Variants in TLCD3A observed in about 807,000 individuals in gnomAD.
TLCD3A encodes TLC domain-containing protein 3A.
TLCD3A carries 17 observed loss-of-function variants against 29.9 expected under a neutral mutation model. The ratio of observed to expected loss-of-function variants is 0.57; its 90% confidence interval spans 0.39 to 0.85. The LOEUF is 0.85. Ranked by LOEUF, TLCD3A falls within the 40% of genes least tolerant of loss-of-function variation. The pLI is 0.00. For missense variants in TLCD3A, 332 were observed against 350.8 expected (o/e 0.95, Z 0.43); for synonymous variants, 143 against 147.7 (o/e 0.97, Z 0.23).
intron 1 of TLCD3A, 84 bp downstream of exon 1, chr17:732,853 G>A (rs1015524777): frequency 1.5e-6 from 2 of 1,368,976 alleles, no homozygotes; most frequent in African/African-American, 1.5e-5. Context: ...GGGCGGAAAA[G>A]GGGGGCGGCA....
intron 2 of TLCD3A, among the ~76,000 whole-genome samples, chr17:735,307 C>T (rs971894672): frequency 1.3e-5 from 2 of 152,200 alleles, no homozygotes; most frequent in African/African-American, 2.4e-5. Context: ...CCACCGTGCC[C>T]GGCCGACTTT....
intron 3 of TLCD3A, 130 bp from the exon 4 acceptor site, chr17:740,375 T>C (rs1355675755): frequency 2.8e-6 from 2 of 725,034 alleles, no homozygotes; most frequent in Non-Finnish European, 5.0e-6. Context: ...AGCGGTACAG[T>C]AGTCTGCGCT....
chr17:732,856 G>A (rs1312303725), intron 1 of TLCD3A, 87 bp downstream of exon 1: 19 of 1,367,692 alleles, frequency 1.4e-5, no homozygotes, highest in Admixed American at 3.9e-5. Flanking sequence ...CGGAAAAGGG[G>A]GGCGGCAGGA....
Position 741,880 on chromosome 17 carries a change from G to A in TLCD3A, c.*310G>A, listed in dbSNP as rs891497263. 8 of 406,544 alleles carry A rather than the reference G, an allele frequency of 2.0e-5. No homozygotes were observed. Among genetic ancestry groups the A allele is most frequent in the African/African-American group, 6.1e-5 (3 of 49,110 alleles). 25.2% of individuals were successfully genotyped at this position (406,544 alleles called of 1,614,324 possible). On this transcript the variant is annotated 3_prime_UTR_variant, in exon 5 of 5. Coordinates refer to ENST00000308278, the MANE Select transcript of TLCD3A (RefSeq NM_024792.3). ...GGAGGTGGAAGCATGGGGTGGGATC[G>A]GTGGACCAGGGTGGTAAGTGTCTGC... is the stretch of plus-strand genomic sequence containing the variant.
chr17:732,939 G>T, intron 1 of TLCD3A, 159 bp from the exon 2 acceptor site: 1 of 1,381,536 alleles, frequency 7.2e-7, no homozygotes, highest in South Asian at 1.4e-5. Context: ...CCCCTGGCGG[G>T]AGCGGGGCCG....
chr17:739,912 G>A (rs902534187), intron 3 of TLCD3A, among the ~76,000 whole-genome samples: 6 of 152,154 alleles, frequency 3.9e-5, no homozygotes, highest in African/African-American at 1.4e-4. Context: ...CGGGTGTGAT[G>A]CTGTACATCT....
chr17:735,765 G>A (rs1167273931), intron 2 of TLCD3A, among the ~76,000 whole-genome samples: 1 of 151,510 alleles, frequency 6.6e-6, no homozygotes, highest in East Asian at 1.9e-4. Context: ...AGGAGCTTGA[G>A]ACCAGTCTGG....
In TLCD3A at chr17:741,779, C is replaced by T. The variant is rs2644703; in HGVS notation, c.*209C>T. On this transcript the variant is annotated 3_prime_UTR_variant, in exon 5 of 5. Coordinates refer to ENST00000308278, the MANE Select transcript of TLCD3A (RefSeq NM_024792.3). ...TGTAGTAACAACTATTGGGTCCTGTCAGACCTCCACGGACAGCAAAGTGGT... is the reference window on the plus strand; with the variant it reads ...TGTAGTAACAACTATTGGGTCCTGTTAGACCTCCACGGACAGCAAAGTGGT... 9,427 of 613,866 alleles carry T rather than the reference C, an allele frequency of 0.015. 117 individuals are homozygous for T. Among genetic ancestry groups the T allele is most frequent in the Non-Finnish European group, 0.022 (7,643 of 353,082 alleles). The allele number at this position is 613,866 out of a possible 1,614,324, so 38.0% of individuals were successfully genotyped here. A position where few individuals can be genotyped will look rare whatever the true frequency, so the allele number is the denominator to read the frequency against.
At chr17:734,945 G>A (rs1974132318) in intron 2 of TLCD3A, among the ~76,000 whole-genome samples, 1 of 152,090 alleles carries the variant, frequency 6.6e-6, no homozygotes, top group South Asian at 2.1e-4. Flanking sequence ...GCCTCCCAAA[G>A]TGCAGGGATC....
rs1364834994 is a variant in TLCD3A, at chr17:741,763, A to G, written c.*193A>G. ...TTTGCAAAAGCACTTTTGTAGTAAC[A>G]ACTATTGGGTCCTGTCAGACCTCCA... is the stretch of plus-strand genomic sequence containing the variant. On this transcript the variant is annotated 3_prime_UTR_variant, in exon 5 of 5. Transcript: ENST00000308278. 4 of 658,892 alleles carry G rather than the reference A, an allele frequency of 6.1e-6. No individual in the cohort carries two copies. The highest frequency in any genetic ancestry group is 1.0e-5 in the Non-Finnish European group (4 of 391,224). 40.8% of individuals were successfully genotyped at this position (658,892 alleles called of 1,614,324 possible). A position where few individuals can be genotyped will look rare whatever the true frequency, so the allele number is the denominator to read the frequency against.
At chr17:740,439 T>A (rs1974231402) in intron 3 of TLCD3A, 66 bp from the exon 4 acceptor site, 1 of 1,227,430 alleles carries the variant, frequency 8.1e-7, no homozygotes, top group East Asian at 2.3e-5. Context: ...TAGCCCTCGT[T>A]GGAATTTTCC....
intron 2 of TLCD3A, among the ~76,000 whole-genome samples, chr17:734,758 C>G (rs568695862): frequency 6.6e-6 from 1 of 152,082 alleles, no homozygotes; most frequent in Non-Finnish European, 1.5e-5. Context: ...GGTATGGGGC[C>G]AAGGATTTAG....
At chr17:740,837 C>T (rs1485131942) in intron 4 of TLCD3A, among the ~76,000 whole-genome samples, 4 of 152,074 alleles carry the variant, frequency 2.6e-5, no homozygotes, top group African/African-American at 4.8e-5. Context: ...GCTTTTCCTT[C>T]GGAGATGGTG....
intron 2 of TLCD3A, among the ~76,000 whole-genome samples, chr17:734,853 G>A (rs539860022): frequency 6.6e-6 from 1 of 151,900 alleles, no homozygotes; most frequent in African/African-American, 2.4e-5. Context: ...AATTCAGATA[G>A]TACGTTGTTG....
At chr17:734,856 CGTT>C (rs1192957213) in intron 2 of TLCD3A, among the ~76,000 whole-genome samples, 3 of 151,682 alleles carry the variant, frequency 2.0e-5, no homozygotes, top group African/African-American at 7.3e-5. Context: ...TCAGATAGTA[CGTT>C]GTTGTTTTAG....
intron 3 of TLCD3A, among the ~76,000 whole-genome samples, chr17:738,748 A>G (rs1427719847): frequency 6.6e-6 from 1 of 151,300 alleles, no homozygotes; most frequent in East Asian, 2.0e-4. Flanking sequence ...AATTCCTGTA[A>G]TTTTTGTAGA....
chr17:733,564 G>A (rs73975028), intron 2 of TLCD3A, among the ~76,000 whole-genome samples: 2,404 of 152,192 alleles, frequency 0.016, 73 homozygotes, highest in African/African-American at 0.054. Flanking sequence ...CCATGGAAAG[G>A]AACCAACCCA....
chr17:741,244 C>G, intron 4 of TLCD3A, 57 bp from the exon 5 acceptor site: 1 of 1,590,108 alleles, frequency 6.3e-7, no homozygotes, highest in Non-Finnish European at 8.6e-7. Context: ...GGGCCCGTCG[C>G]TCCCTGATGC....
rs1233400384 is a variant in TLCD3A, at chr17:742,921, T to G, written c.*1351T>G. 1.3e-5 allele frequency: 2 copies of G among 152,268 alleles called. No individual in the cohort carries two copies. The highest frequency in any genetic ancestry group is 6.5e-5 in the Admixed American group (1 of 15,278). The allele number at this position is 152,268 out of a possible 1,614,324, so 9.4% of individuals were successfully genotyped here. A position where few individuals can be genotyped will look rare whatever the true frequency, so the allele number is the denominator to read the frequency against. ...TCTTTTTTTTTTAACTATCAGTGTA[T>G]CTTTAAAAGTCACCCTTACGGTGAT... On this transcript the variant is annotated 3_prime_UTR_variant, in exon 5 of 5. Transcript: ENST00000308278.
Sources: gnomAD v4.1 joint callset for allele counts (sites outside exome capture counted in the v4.1 genomes callset) on GRCh38, gnomAD v4.1.1 for gene constraint, MANE v1.5 for transcripts, NCBI Gene and HGNC (gene_info 2026-07-23, HGNC 2026-07-21) for gene names.